AFAP1L2: variants seen among roughly 807,000 people sequenced by gnomAD.
AFAP1L2 encodes actin filament-associated protein 1-like 2.
A neutral mutation model predicts 99.3 loss-of-function variants in AFAP1L2; 46 were observed. That is an observed-to-expected ratio of 0.46 (90% CI 0.37 to 0.59). The LOEUF is 0.59. Ranked by LOEUF, AFAP1L2 falls within the 20% of genes least tolerant of loss-of-function variation. The pLI is 0.00. For synonymous variants in AFAP1L2, 397 were observed against 419.1 expected (o/e 0.95, Z 0.64); for missense variants, 959 against 1,034.9 (o/e 0.93, Z 1.01).
At chr10:114,331,933 G>T in intron 3 of AFAP1L2, 36 bp from the exon 4 acceptor site, 1 of 1,257,422 alleles carries the variant, frequency 8.0e-7, no homozygotes, top group Non-Finnish European at 1.0e-6. Context: ...TCGGTGAGGG[G>T]TGACCAGCCT....
At chr10:114,390,860 T>A (rs1391396531) in intron 1 of AFAP1L2, among the ~76,000 whole-genome samples, 2 of 152,184 alleles carry the variant, frequency 1.3e-5, no homozygotes, top group Admixed American at 1.3e-4. Context: ...TTTCTGCCAG[T>A]CTACTGGGTG....
At chr10:114,302,833 T>TA (rs1255315305) in intron 11 of AFAP1L2, among the ~76,000 whole-genome samples, 2 of 152,204 alleles carry the variant, frequency 1.3e-5, no homozygotes, top group East Asian at 3.8e-4. Flanking sequence ...TAATAGTTTT[T>TA]AAAATGATTA....
intron 1 of AFAP1L2, chr10:114,398,805 A>T: frequency 7.7e-7 from 1 of 1,302,594 alleles, no homozygotes; most frequent in South Asian, 1.2e-5. Flanking sequence ...GGAGCCCTGG[A>T]GGCCAGGTGA....
At chr10:114,401,085 A>G (rs1181890047) in intron 1 of AFAP1L2, among the ~76,000 whole-genome samples, 1 of 152,246 alleles carries the variant, frequency 6.6e-6, no homozygotes, top group Non-Finnish European at 1.5e-5. Flanking sequence ...TTTGCAGTTC[A>G]TATCTGCCTC....
rs917414536 is a variant in AFAP1L2, at chr10:114,373,987, T to C, written c.16+30453A>G. Among the ~76,000 whole-genome samples the C allele has an allele frequency of 2.0e-5, 3 of 152,110 alleles. 1 individual carries two copies. The East Asian group carries it at 5.8e-4, about 29-fold the overall frequency. On this transcript the variant is annotated intron_variant, in intron 1 of 18. Transcript: ENST00000304129. Reference sequence around the variant, plus strand: ...CCCAAGACCACCCTTTCCTAGGATATGTACAGGATACAAAAAATAGAGCCC... The same window carrying C: ...CCCAAGACCACCCTTTCCTAGGATACGTACAGGATACAAAAAATAGAGCCC...
chr10:114,299,253 C>T lies in AFAP1L2; in HGVS notation c.2113+7G>A, dbSNP rs1291303276. The T allele has an allele frequency of 6.2e-7, 1 of 1,614,132 alleles. No individual in the cohort carries two copies. Among genetic ancestry groups the T allele is most frequent in the African/African-American group, 1.3e-5 (1 of 75,048 alleles). ...TGAGGGTCCCTCCCCACTGGGGGCC[C>T]CCTTACCTGTGCATTTCAGTAGGGT... On this transcript the variant is annotated splice_region_variant and intron_variant, in intron 16 of 18. Transcript: ENST00000304129.
chr10:114,285,088 T>C, the AFAP1L2 span: 1 of 726,946 alleles, frequency 1.4e-6, no homozygotes, highest in Non-Finnish European at 2.1e-6. Flanking sequence ...AACCATCTGC[T>C]TTCCAATGCA....
chr10:114,328,105 G>A (rs889197519), intron 4 of AFAP1L2, among the ~76,000 whole-genome samples: 4 of 152,186 alleles, frequency 2.6e-5, no homozygotes, highest in African/African-American at 9.7e-5. Flanking sequence ...CAAGGACCAC[G>A]GCACCTGGCT....
chr10:114,396,612 T>C (rs948081147), intron 1 of AFAP1L2, among the ~76,000 whole-genome samples: 1 of 152,150 alleles, frequency 6.6e-6, no homozygotes, highest in African/African-American at 2.4e-5. Context: ...AGGAAATAAT[T>C]ATCCTGCAGA....
chr10:114,308,862 C>T (rs1445830143), intron 8 of AFAP1L2, among the ~76,000 whole-genome samples: 1 of 152,214 alleles, frequency 6.6e-6, no homozygotes, highest in Non-Finnish European at 1.5e-5. Flanking sequence ...GCTGACTGTT[C>T]TAGCAATGTG....
chr10:114,398,990 T>C (rs1276841157), intron 1 of AFAP1L2: 1 of 1,159,938 alleles, frequency 8.6e-7, no homozygotes, highest in Non-Finnish European at 1.2e-6. Flanking sequence ...AATCTGCCTT[T>C]GAGATTTTGC....
chr10:114,378,983 G>A (rs993218203), intron 1 of AFAP1L2, among the ~76,000 whole-genome samples: 1 of 152,090 alleles, frequency 6.6e-6, no homozygotes, highest in Non-Finnish European at 1.5e-5. Flanking sequence ...AGGCCGAGGC[G>A]GGCAGATCGC....
chr10:114,322,751 A>T (rs543472896), intron 5 of AFAP1L2, among the ~76,000 whole-genome samples: 11 of 152,266 alleles, frequency 7.2e-5, no homozygotes, highest in Non-Finnish European at 1.2e-4. Context: ...AGTCCAGTGA[A>T]AGAACATGGA....
intron 4 of AFAP1L2, chr10:114,326,167 G>A (rs2046261734): frequency 6.4e-6 from 4 of 622,046 alleles, no homozygotes; most frequent in Non-Finnish European, 9.2e-6. Flanking sequence ...GCAGTGTTTT[G>A]TGAGTGTCTC....
intron 1 of AFAP1L2, among the ~76,000 whole-genome samples, chr10:114,394,988 A>G (rs2057541170): frequency 6.6e-6 from 1 of 152,092 alleles, no homozygotes; most frequent in Admixed American, 6.5e-5. Context: ...ATCCTCAGCC[A>G]CAATTCCGGT....
intron 1 of AFAP1L2, among the ~76,000 whole-genome samples, chr10:114,401,527 C>T (rs1010050307): frequency 2.0e-5 from 3 of 152,212 alleles, no homozygotes; most frequent in African/African-American, 4.8e-5. Context: ...GCTTATACAA[C>T]GCCAAAGAGA....
At position 114,388,175 on chromosome 10, in the gene AFAP1L2, T is replaced by C. The variant is rs145537781; in HGVS notation, c.16+16265A>G. ...AAGGGACAGTGGCCACTCAGATGGG[T>C]GGCGGGGAAGCTCAGTTTCACTGCA... On this transcript the variant is annotated intron_variant, in intron 1 of 18. Coordinates refer to ENST00000304129, the MANE Select transcript of AFAP1L2 (RefSeq NM_001001936.3). Among the ~76,000 whole-genome samples, 213 of 152,234 alleles carry C rather than the reference T, an allele frequency of 1.4e-3. 8 individuals carry two copies. The East Asian group carries it at 0.038, about 27-fold the overall frequency.
chr10:114,381,564 A>G (rs897370577), intron 1 of AFAP1L2, among the ~76,000 whole-genome samples: 2 of 152,226 alleles, frequency 1.3e-5, no homozygotes, highest in Non-Finnish European at 2.9e-5. Context: ...ATACCTCAAT[A>G]AAGCTGTTTT....
chr10:114,297,858 T>C (rs1334452716), intron 16 of AFAP1L2, among the ~76,000 whole-genome samples: 2 of 152,134 alleles, frequency 1.3e-5, no homozygotes, highest in Admixed American at 6.5e-5. Flanking sequence ...CTGTTAACCC[T>C]GGACCTCTTG....
Sources: gnomAD v4.1 joint callset for allele counts (sites outside exome capture counted in the v4.1 genomes callset) on GRCh38, gnomAD v4.1.1 for gene constraint, MANE v1.5 for transcripts, NCBI Gene and HGNC (gene_info 2026-07-23, HGNC 2026-07-21) for gene names.